Variants in SMIM36 observed in about 807,000 individuals in gnomAD.
SMIM36 encodes the protein small integral membrane protein 36.
intron 1 of SMIM36, among the ~76,000 whole-genome samples, chr17:55,499,292 G>A (rs372080660): frequency 6.6e-6 from 1 of 152,140 alleles, no homozygotes. Flanking sequence ...AGAGGAGAGA[G>A]ATGGGGTTGG....
At chr17:55,505,666 A>T (rs981143270) in intron 1 of SMIM36, among the ~76,000 whole-genome samples, 1 of 71,642 alleles carries the variant, frequency 1.4e-5, no homozygotes, top group Admixed American at 1.3e-4. Flanking sequence ...AAACTGGCAC[A>T]AGACAGGGAT....
intron 3 of SMIM36, among the ~76,000 whole-genome samples, chr17:55,472,895 A>G (rs1213385832): frequency 1.3e-5 from 2 of 151,836 alleles, no homozygotes; most frequent in African/African-American, 4.8e-5. Context: ...AAGAAAAGAA[A>G]AAAGAAAATG....
chr17:55,474,500 G>A (rs987902516), intron 3 of SMIM36, among the ~76,000 whole-genome samples: 1 of 151,564 alleles, frequency 6.6e-6, no homozygotes, highest in Non-Finnish European at 1.5e-5. Context: ...CTGTAACTTG[G>A]TAAGTCTGGT....
In SMIM36 at chr17:55,498,724, C is replaced by T. The variant is rs574566696; in HGVS notation, c.*174+12155G>A. On this transcript the variant is annotated intron_variant, in intron 1 of 4. Coordinates refer to ENST00000636752, the Ensembl canonical transcript of SMIM36. ...TGCACAAAATGTTAAACAGGTCGGG[C>T]GTGGTGGCTCACACCTGTAATCCCA... 1.7e-3 allele frequency among the ~76,000 whole-genome samples: 263 copies of T among 151,946 alleles called. 1 individual carries two copies. Among genetic ancestry groups the T allele is most frequent in the Admixed American group, 3.8e-3 (58 of 15,240 alleles).
At chr17:55,526,431 T>G in the SMIM36 span, among the ~76,000 whole-genome samples, 4 of 152,160 alleles carry the variant, frequency 2.6e-5, no homozygotes, top group Non-Finnish European at 4.4e-5. Context: ...AGTGCTGGGA[T>G]TACAGGTGTG....
upstream of SMIM36, among the ~76,000 whole-genome samples, chr17:55,514,933 A>G (rs1214656918): frequency 6.6e-6 from 1 of 152,128 alleles, no homozygotes; most frequent in Admixed American, 6.5e-5. Flanking sequence ...TCAGAGGTAA[A>G]AATGTTATAA....
At chr17:55,508,968 C>T (rs912176445) in intron 1 of SMIM36, among the ~76,000 whole-genome samples, 1 of 148,852 alleles carries the variant, frequency 6.7e-6, no homozygotes, top group Non-Finnish European at 1.5e-5. Context: ...TGGCTTCTTG[C>T]TCATAAAGAA....
intron 3 of SMIM36, among the ~76,000 whole-genome samples, chr17:55,472,005 C>T (rs1909347678): frequency 6.6e-6 from 1 of 152,208 alleles, no homozygotes; most frequent in Non-Finnish European, 1.5e-5. Context: ...CTCGACTCCT[C>T]CAGCTCTATT....
chr17:55,462,968 GA>G (rs1459842636), intron 4 of SMIM36, among the ~76,000 whole-genome samples: 1 of 152,124 alleles, frequency 6.6e-6, no homozygotes, highest in Non-Finnish European at 1.5e-5. Flanking sequence ...TGATAAATTT[GA>G]TATCTAAGCT....
chr17:55,474,903 TAGA>T (rs1567865387), intron 3 of SMIM36, among the ~76,000 whole-genome samples: 4 of 152,146 alleles, frequency 2.6e-5, no homozygotes, highest in Non-Finnish European at 5.9e-5. Context: ...TTGTGTGAGA[TAGA>T]CTGGCCAGCA....
intron 3 of SMIM36, among the ~76,000 whole-genome samples, chr17:55,478,495 G>T (rs2086150864): frequency 6.6e-6 from 1 of 152,062 alleles, no homozygotes; most frequent in Admixed American, 6.5e-5. Context: ...TTCCTAGAGA[G>T]CTGGGAATGC....
intron 1 of SMIM36, among the ~76,000 whole-genome samples, chr17:55,510,666 T>A (rs1910163405): frequency 1.3e-5 from 2 of 152,158 alleles, no homozygotes; most frequent in Admixed American, 6.5e-5. Flanking sequence ...TAGACTAGAC[T>A]GGAGTTAGTC....
the SMIM36 span, among the ~76,000 whole-genome samples, chr17:55,520,553 A>G: frequency 6.6e-6 from 1 of 152,206 alleles, no homozygotes; most frequent in Non-Finnish European, 1.5e-5. Context: ...GAAAACTGAG[A>G]TGGTCACTGA....
the SMIM36 span, among the ~76,000 whole-genome samples, chr17:55,523,984 T>C: frequency 1.3e-5 from 2 of 152,164 alleles, no homozygotes; most frequent in Admixed American, 1.3e-4. Flanking sequence ...GGTGAACTCA[T>C]GTTACAGAGG....
chr17:55,459,812 T>C (rs1909103515), intron 4 of SMIM36, among the ~76,000 whole-genome samples: 1 of 151,950 alleles, frequency 6.6e-6, no homozygotes, highest in African/African-American at 2.4e-5. Flanking sequence ...GCTTTGGCAG[T>C]ATGGCAAGAC....
chr17:55,468,880 G>T (rs1055785294), intron 3 of SMIM36, among the ~76,000 whole-genome samples: 1 of 152,062 alleles, frequency 6.6e-6, no homozygotes, highest in Non-Finnish European at 1.5e-5. Flanking sequence ...GTTCCAAGTG[G>T]CCAGAGAATG....
At chr17:55,518,828 TATGAG>T in the SMIM36 span, among the ~76,000 whole-genome samples, 6,155 of 151,754 alleles carry the variant, frequency 0.041, 379 homozygotes, top group African/African-American at 0.14. Context: ...AAAAGGATAA[TATGAG>T]AGAGAAAAGG....
intron 3 of SMIM36, among the ~76,000 whole-genome samples, chr17:55,476,333 C>T (rs1341391894): frequency 6.6e-6 from 1 of 152,058 alleles, no homozygotes; most frequent in Non-Finnish European, 1.5e-5. Context: ...TACCCCTGCC[C>T]ACAAGAGGAA....
chr17:55,500,037 C>CT (rs1006711175), intron 1 of SMIM36, among the ~76,000 whole-genome samples: 2 of 151,410 alleles, frequency 1.3e-5, no homozygotes, highest in Non-Finnish European at 2.9e-5. Flanking sequence ...TTGTTCTCCT[C>CT]TTTTTTTTCT....
Sources: allele counts gnomAD v4.1 joint callset (sites outside exome capture counted in the v4.1 genomes callset), GRCh38; gene constraint gnomAD v4.1.1; transcripts MANE v1.5; gene names NCBI Gene and HGNC (gene_info 2026-07-23, HGNC 2026-07-21).